FBXO45: variants seen among roughly 807,000 people sequenced by gnomAD.
FBXO45 encodes the protein F-box protein 45, also known as F-box/SPRY domain-containing protein 1.
A neutral mutation model predicts 25.5 loss-of-function variants in FBXO45; 3 were observed. The ratio of observed to expected loss-of-function variants is 0.12; its 90% CI spans 0.05 to 0.30. FBXO45 has a LOEUF of 0.30. Among genes scored for constraint, FBXO45 ranks in the 10% least tolerant of loss-of-function variants. FBXO45 has a pLI of 1.00. For synonymous variants in FBXO45, 155 were observed against 149.8 expected, an observed-to-expected ratio of 1.03 and a Z score of -0.25; for missense variants, 219 against 365.0, an observed-to-expected ratio of 0.60 and a Z score of 3.26.
intron 1 of FBXO45, among the ~76,000 whole-genome samples, chr3:196,575,981 C>A (rs1735907532): frequency 6.6e-6 from 1 of 152,162 alleles, no homozygotes; most frequent in Non-Finnish European, 1.5e-5. Flanking sequence ...CCGGCCCCTT[C>A]ATTGAATCTT....
In FBXO45 at chr3:196,568,828, C is replaced by G. The variant is rs911590093; in HGVS notation, c.-157C>G. On this transcript the variant is annotated 5_prime_UTR_variant, in exon 1 of 3. Transcript: ENST00000311630. Reference sequence around the variant, plus strand: ...GTGAGGCGGGGCGCGCGGCGGACGCCCCCGGGCAGGGGCGGGAGTGGTGGA... The same window carrying G: ...GTGAGGCGGGGCGCGCGGCGGACGCGCCCGGGCAGGGGCGGGAGTGGTGGA... 43 of 389,712 alleles carry G rather than the reference C, an allele frequency of 1.1e-4. No homozygotes were observed. Among genetic ancestry groups the G allele is most frequent in the African/African-American group, 9.1e-4 (42 of 45,948 alleles). 24.1% of individuals were successfully genotyped at this position (389,712 alleles called of 1,614,324 possible). A position where few individuals can be genotyped will look rare whatever the true frequency, so the allele number is the denominator to read the frequency against.
Position 196,568,902 on chromosome 3 carries a change from C to G in FBXO45, c.-83C>G, listed in dbSNP as rs1232336397. The G allele has an allele frequency of 1.0e-6, 1 of 957,856 alleles. No homozygotes were observed. Among genetic ancestry groups the G allele is most frequent in the East Asian group, 1.1e-4 (1 of 8,826 alleles). The allele number at this position is 957,856 out of a possible 1,614,324, so 59.3% of individuals were successfully genotyped here. On this transcript the variant is annotated 5_prime_UTR_variant, in exon 1 of 3. Coordinates refer to ENST00000311630, the MANE Select transcript of FBXO45 (RefSeq NM_001105573.2). Reference sequence around the variant, plus strand: ...GGGGCGGTGAGCGAGCCGCTCCGGTCTCCGGGCGAGGCTTGGCCTTCCGAG... The same window carrying G: ...GGGGCGGTGAGCGAGCCGCTCCGGTGTCCGGGCGAGGCTTGGCCTTCCGAG...
chr3:196,578,314 C>T (rs1392749674), intron 2 of FBXO45, among the ~76,000 whole-genome samples: 2 of 152,066 alleles, frequency 1.3e-5, no homozygotes. Flanking sequence ...GGATTACAGG[C>T]GTGAGCCACC....
In FBXO45 at chr3:196,568,698, C is replaced by G. The variant is rs1436523454; in HGVS notation, c.-287C>G. On this transcript the variant is annotated 5_prime_UTR_variant, in exon 1 of 3. Coordinates refer to ENST00000311630, the MANE Select transcript of FBXO45 (RefSeq NM_001105573.2). ...GCCCTCAACCCGCATGGCGGAGCCG[C>G]TGGCGCGCCGCGGAGAGGCCGGGCG... 1 of 152,500 alleles carries G rather than the reference C, an allele frequency of 6.6e-6. No homozygotes were observed. The highest frequency in any genetic ancestry group is 1.5e-5 in the Non-Finnish European group (1 of 68,308). 9.4% of individuals were successfully genotyped at this position (152,500 alleles called of 1,614,324 possible).
In FBXO45 at chr3:196,588,891, T is replaced by C. The variant is rs1052781113; in HGVS notation, c.*4573T>C. 6.6e-5 allele frequency: 10 copies of C among 152,162 alleles called. No individual in the cohort carries two copies. Among genetic ancestry groups the C allele is most frequent in the African/African-American group, 2.2e-4 (9 of 41,430 alleles). 9.4% of individuals were successfully genotyped at this position (152,162 alleles called of 1,614,324 possible). On this transcript the variant is annotated 3_prime_UTR_variant, in exon 3 of 3. Coordinates refer to ENST00000311630, the MANE Select transcript of FBXO45 (RefSeq NM_001105573.2). This position sits in a 1 kb window ranked among gnomAD's most constrained non-coding sequence, Gnocchi z 4.2. Reference sequence around the variant, plus strand: ...GAAAGGGTTGCAAACTTGAGGCTGGTAAGGAAGAAATAATTACTGTGAATG... The same window carrying C: ...GAAAGGGTTGCAAACTTGAGGCTGGCAAGGAAGAAATAATTACTGTGAATG...
In FBXO45 at chr3:196,569,031, G is replaced by C; in HGVS notation, c.47G>C (p.Gly16Ala). The C allele has an allele frequency of 9.5e-7, 1 of 1,052,968 alleles. No individual in the cohort carries two copies. The highest frequency in any genetic ancestry group is 1.1e-6 in the Non-Finnish European group (1 of 877,028). 65.2% of individuals were successfully genotyped at this position (1,052,968 alleles called of 1,614,324 possible). A position where few individuals can be genotyped will look rare whatever the true frequency, so the allele number is the denominator to read the frequency against. Residue 16 changes from glycine to alanine, a missense_variant, in exon 1 of 3, where the codon GGC (glycine) becomes GCC (alanine). Physicochemically the swap from Gly to Ala is moderately conservative, Grantham distance 60 (BLOSUM62 0). This residue lies in a region of FBXO45 where 138 missense variants were observed against 157.3 expected (regional missense o/e 0.88). Coordinates refer to ENST00000311630, the MANE Select transcript of FBXO45 (RefSeq NM_001105573.2). This position sits in a 1 kb window ranked among gnomAD's most constrained non-coding sequence, Gnocchi z 4.1. ...PGAGAASGGA[G>A]CSGGGAGAGA... ...GCTGGGGCAGCCTCGGGCGGCGCTG[G>C]CTGTAGCGGCGGCGGCGCGGGCGCG... is the stretch of plus-strand genomic sequence containing the variant.
At chr3:196,576,218 A>G (rs1294306471) in intron 1 of FBXO45, among the ~76,000 whole-genome samples, 1 of 152,184 alleles carries the variant, frequency 6.6e-6, no homozygotes, top group African/African-American at 2.4e-5. Context: ...GGCCTCTTGC[A>G]CTAACTCGCG....
At chr3:196,582,238 T>C (rs569320191) in intron 2 of FBXO45, among the ~76,000 whole-genome samples, 9 of 152,180 alleles carry the variant, frequency 5.9e-5, no homozygotes, top group Non-Finnish European at 1.2e-4. Context: ...TCAACTTCTG[T>C]AAAATAGGGA....
rs1163390639 is a variant in FBXO45, at chr3:196,586,780, T to C, written c.*2462T>C. ...GGTTCCGTATGCCAAGATTCTGATG[T>C]TGGTCTGGAATATGAGCTGGTCATA... On this transcript the variant is annotated 3_prime_UTR_variant, in exon 3 of 3. Transcript: ENST00000311630. 1 of 152,134 alleles carries C rather than the reference T, an allele frequency of 6.6e-6. No individual in the cohort carries two copies. Among genetic ancestry groups the C allele is most frequent in the Non-Finnish European group, 1.5e-5 (1 of 68,018 alleles). The allele number at this position is 152,134 out of a possible 1,614,324, so 9.4% of individuals were successfully genotyped here. A position where few individuals can be genotyped will look rare whatever the true frequency, so the allele number is the denominator to read the frequency against.
rs1560321130 is a variant in FBXO45, at chr3:196,587,033, A to G, written c.*2715A>G. The stretch of plus-strand genomic sequence containing the variant: ...AAAGTCAAAGGAGTGTTCTGTTTCA[A>G]TTCATAGTATGATCAGGGAAAGTGT... On this transcript the variant is annotated 3_prime_UTR_variant, in exon 3 of 3. Coordinates refer to ENST00000311630, the MANE Select transcript of FBXO45 (RefSeq NM_001105573.2). 6.6e-6 allele frequency: 1 copy of G among 152,206 alleles called. No individual in the cohort carries two copies. Among genetic ancestry groups the G allele is most frequent in the South Asian group, 2.1e-4 (1 of 4,834 alleles). 9.4% of individuals were successfully genotyped at this position (152,206 alleles called of 1,614,324 possible). A position where few individuals can be genotyped will look rare whatever the true frequency, so the allele number is the denominator to read the frequency against.
intron 2 of FBXO45, among the ~76,000 whole-genome samples, chr3:196,580,613 C>T (rs1209354883): frequency 1.3e-5 from 2 of 152,218 alleles, no homozygotes; most frequent in Non-Finnish European, 2.9e-5. Flanking sequence ...TTGTGAGCCA[C>T]TGCGCCCAGC....
intron 1 of FBXO45, among the ~76,000 whole-genome samples, chr3:196,571,638 T>C (rs1735827957): frequency 6.6e-6 from 1 of 152,242 alleles, no homozygotes; most frequent in African/African-American, 2.4e-5. Flanking sequence ...CAAGCTTCAA[T>C]AGAAGCAAAA....
At chr3:196,581,397 A>AT (rs531541076) in intron 2 of FBXO45, among the ~76,000 whole-genome samples, 5,074 of 150,964 alleles carry the variant, frequency 0.034, 136 homozygotes, top group Non-Finnish European at 0.049. Flanking sequence ...TGCCCAGCTA[A>AT]TTTTTGTATT....
intron 1 of FBXO45, among the ~76,000 whole-genome samples, chr3:196,571,780 C>T (rs993722845): frequency 1.3e-5 from 2 of 152,124 alleles, no homozygotes; most frequent in Admixed American, 1.3e-4. Context: ...GTTTTTAATA[C>T]TTTGCTTTTC....
chr3:196,587,775 T>G lies in FBXO45; in HGVS notation c.*3457T>G, dbSNP rs919450204. 3.9e-5 allele frequency: 6 copies of G among 152,176 alleles called. No homozygotes were observed. The highest frequency in any genetic ancestry group is 3.8e-4 in the East Asian group (2 of 5,200). 9.4% of individuals were successfully genotyped at this position (152,176 alleles called of 1,614,324 possible). Reference sequence around the variant, plus strand: ...TGAAGAAGTGAGTAATTTGAAGAGATAGAAACTTAGGGAGTGGTGTGTGTG... The same window carrying G: ...TGAAGAAGTGAGTAATTTGAAGAGAGAGAAACTTAGGGAGTGGTGTGTGTG... On this transcript the variant is annotated 3_prime_UTR_variant, in exon 3 of 3. Transcript: ENST00000311630.
At chr3:196,575,825 C>T (rs143121250) in intron 1 of FBXO45, among the ~76,000 whole-genome samples, 132 of 151,954 alleles carry the variant, frequency 8.7e-4, no homozygotes, top group African/African-American at 3.1e-3. Context: ...TACAAGCGTG[C>T]ACTGCCACGC....
chr3:196,577,322 T>C lies in FBXO45; in HGVS notation c.319-131T>C, dbSNP rs7640174. On this transcript the variant is annotated intron_variant, in intron 1 of 2. Coordinates refer to ENST00000311630, the MANE Select transcript of FBXO45 (RefSeq NM_001105573.2). ...CCATCCTGAAACTTCAGCCATTATT[T>C]GGAAATACTTGTGTTATTTTAAAAT... 3,766 of 669,946 alleles carry C rather than the reference T, an allele frequency of 5.6e-3. 118 individuals are homozygous for C. The African/African-American group carries it at 0.062, about 11-fold the overall frequency. 41.5% of individuals were successfully genotyped at this position (669,946 alleles called of 1,614,324 possible). A position where few individuals can be genotyped will look rare whatever the true frequency, so the allele number is the denominator to read the frequency against.
At chr3:196,583,505 C>CAAA (rs36064486) in intron 2 of FBXO45, among the ~76,000 whole-genome samples, 2 of 65,392 alleles carry the variant, frequency 3.1e-5, no homozygotes, top group Admixed American at 1.7e-4. Context: ...GACTCCGTCT[C>CAAA]AAAAAAAAAA....
In FBXO45 at chr3:196,577,561, G is replaced by A. The variant is rs1735935309; in HGVS notation, c.427G>A (p.Gly143Ser). The A allele has an allele frequency of 1.2e-6, 2 of 1,613,886 alleles. No individual in the cohort carries two copies. The change falls in exon 2 of 3, where the codon GGT becomes AGT. Residue 143 changes from glycine to serine, a missense_variant. Transcript: ENST00000311630. Reference sequence around the variant, plus strand: ...AAACCCCATTGCTCAGAGCACTGATGGTGCAAGGACCAAGATTGGTTTCAG... The same window carrying A: ...AAACCCCATTGCTCAGAGCACTGATAGTGCAAGGACCAAGATTGGTTTCAG... ...HRNPIAQSTDGARTKIGFSEG... is the reference protein window; with the variant it reads ...HRNPIAQSTDSARTKIGFSEG...
Sources: gnomAD v4.1 joint callset for allele counts (sites outside exome capture counted in the v4.1 genomes callset) on GRCh38, gnomAD v4.1.1 for gene constraint, gnomAD v4.1.1 regional missense constraint, Gnocchi (gnomAD v3.1) non-coding constraint, MANE v1.5 for transcripts, NCBI Gene and HGNC (gene_info 2026-07-23, HGNC 2026-07-21) for gene names.